TANC2: variants seen among roughly 807,000 people sequenced by gnomAD.
TANC2 encodes the protein tetratricopeptide repeat, ankyrin repeat and coiled-coil containing 2, also known as protein TANC2.
In TANC2, 26 loss-of-function variants were observed where a neutral mutation model predicts 210.5. The observed-to-expected ratio is 0.12, with a 90% CI of 0.09 to 0.17. The LOEUF (loss-of-function observed/expected upper bound fraction) is 0.17. Among genes scored for constraint, TANC2 ranks in the 10% least tolerant of loss-of-function variants. The pLI is 1.00. For synonymous variants in TANC2, 931 were observed against 967.1 expected (o/e 0.96, Z 0.69); for missense variants, 2,129 against 2,608.9 (o/e 0.82, Z 4.01).
At chr17:63,407,012 T>C (rs968871726) in intron 21 of TANC2, among the ~76,000 whole-genome samples, 1 of 152,230 alleles carries the variant, frequency 6.6e-6, no homozygotes, top group Admixed American at 6.5e-5. Context: ...TGGACGCAAA[T>C]GTCGGTAATT....
chr17:63,015,318 T>C (rs1265466326), intron 2 of TANC2, among the ~76,000 whole-genome samples: 3 of 151,830 alleles, frequency 2.0e-5, no homozygotes, highest in Non-Finnish European at 4.4e-5. Flanking sequence ...ATAAGATATT[T>C]ATTTATTTAT....
intron 8 of TANC2, among the ~76,000 whole-genome samples, chr17:63,246,687 A>G (rs1314627258): frequency 6.6e-6 from 1 of 152,104 alleles, no homozygotes; most frequent in Non-Finnish European, 1.5e-5. Context: ...GTATGACTGT[A>G]CCATATTATG....
chr17:63,155,021 A>T (rs1034995427), intron 5 of TANC2: 1 of 152,092 alleles, frequency 6.6e-6, no homozygotes, highest in Non-Finnish European at 1.5e-5. Flanking sequence ...TTAGAGTAGG[A>T]TTGTTGTGAG....
intron 15 of TANC2, among the ~76,000 whole-genome samples, chr17:63,387,149 TGAAAATAAA>T (rs2147134011): frequency 6.6e-6 from 1 of 152,310 alleles, no homozygotes; most frequent in South Asian, 2.1e-4. Flanking sequence ...TGCACCTGGC[TGAAAATAAA>T]ATTTTTAATA....
At chr17:63,075,659 G>A (rs239359) in intron 3 of TANC2, among the ~76,000 whole-genome samples, 148,901 of 152,124 alleles carry the variant, frequency 0.98, 72,885 homozygotes, top group East Asian at 1. Context: ...CAGCCTCCTG[G>A]GTAGATGGGA....
At chr17:63,113,845 T>C (rs41482349) in intron 4 of TANC2, among the ~76,000 whole-genome samples, 4,475 of 152,296 alleles carry the variant, frequency 0.029, 223 homozygotes, top group African/African-American at 0.1. Flanking sequence ...TATGTGGTAT[T>C]ATCTGTTTTG....
intron 1 of TANC2, among the ~76,000 whole-genome samples, chr17:62,998,803 C>CT (rs1425958641): frequency 6.6e-6 from 1 of 152,062 alleles, no homozygotes; most frequent in East Asian, 1.9e-4. Flanking sequence ...AAAAAACACA[C>CT]TTAAGTACAT....
chr17:63,061,613 ATAAC>A (rs1401763487), intron 2 of TANC2, among the ~76,000 whole-genome samples: 2 of 152,126 alleles, frequency 1.3e-5, no homozygotes, highest in Non-Finnish European at 2.9e-5. Context: ...AAATACATAT[ATAAC>A]TAGATGTATA....
At chr17:63,355,466 G>A in intron 14 of TANC2, 76 bp downstream of exon 14, 1 of 1,412,190 alleles carries the variant, frequency 7.1e-7, no homozygotes, top group Non-Finnish European at 9.3e-7. Flanking sequence ...ATTGAAAGTA[G>A]AAGTGTTCTT....
chr17:63,081,131 C>T (rs2036756127), intron 3 of TANC2, among the ~76,000 whole-genome samples: 1 of 151,932 alleles, frequency 6.6e-6, no homozygotes, highest in African/African-American at 2.4e-5. Context: ...ATCTTTATTG[C>T]TTGTTCTGTA....
At chr17:63,272,598 T>G (rs2043746329) in intron 9 of TANC2, among the ~76,000 whole-genome samples, 1 of 152,206 alleles carries the variant, frequency 6.6e-6, no homozygotes. Context: ...GCATGAAATT[T>G]TTTTTATTTG....
At chr17:63,000,205 C>T (rs1378672119) in intron 1 of TANC2, among the ~76,000 whole-genome samples, 1 of 152,084 alleles carries the variant, frequency 6.6e-6, no homozygotes, top group East Asian at 1.9e-4. Flanking sequence ...ACAAATCTGC[C>T]CATGTCCCCT....
At chr17:63,328,298 C>T (rs958957423) in intron 11 of TANC2, among the ~76,000 whole-genome samples, 2 of 151,946 alleles carry the variant, frequency 1.3e-5, no homozygotes, top group African/African-American at 4.8e-5. Flanking sequence ...ATTAACAAAC[C>T]TGCCCATGTA....
intron 9 of TANC2, among the ~76,000 whole-genome samples, chr17:63,286,947 G>A (rs2044240279): frequency 6.6e-6 from 1 of 151,984 alleles, no homozygotes; most frequent in Admixed American, 6.6e-5. Context: ...TTGAGATGGA[G>A]TCTCTCTCTG....
chr17:63,186,862 G>A (rs947130149), intron 5 of TANC2, among the ~76,000 whole-genome samples: 13 of 152,192 alleles, frequency 8.5e-5, no homozygotes, highest in African/African-American at 2.9e-4. Flanking sequence ...AGTGCTGTAT[G>A]ATTTATTTTG....
At chr17:63,384,747 A>G (rs2047724242) in intron 15 of TANC2, among the ~76,000 whole-genome samples, 2 of 152,182 alleles carry the variant, frequency 1.3e-5, no homozygotes, top group South Asian at 4.1e-4. Flanking sequence ...TGAATTCATA[A>G]GTGTGATGTC....
In TANC2 at chr17:63,335,859, C is replaced by T. The variant is rs751361640; in HGVS notation, c.1576-4242C>T. Among the ~76,000 whole-genome samples the T allele has an allele frequency of 3.3e-5, 5 of 151,880 alleles. No individual in the cohort carries two copies. The South Asian group carries it at 6.2e-4, about 19-fold the overall frequency. On this transcript the variant is annotated intron_variant, in intron 11 of 27. Transcript: ENST00000689528. ...TGTAAGATGTTAATAATAAGGGAAG[C>T]TGGATGAGGGATAAATAGAAAGTCT...
In TANC2 at chr17:63,358,081, ATCT is replaced by A. The variant is rs544076256; in HGVS notation, c.2582+2695_2582+2697del. 1.8e-4 allele frequency among the ~76,000 whole-genome samples: 28 copies of A among 152,316 alleles called. No individual in the cohort carries two copies. The East Asian group carries it at 4.8e-3, about 26-fold the overall frequency. ...GCACTCAATTGCCAAAAAGTAGTTG[ATCT>A]TCTCCAGAAATAGGCTACCCAAGGA... On this transcript the variant is annotated intron_variant, in intron 14 of 27. Coordinates refer to ENST00000689528, the Ensembl canonical transcript of TANC2.
chr17:63,105,661 C>G (rs1363245056), intron 4 of TANC2, among the ~76,000 whole-genome samples: 1 of 151,550 alleles, frequency 6.6e-6, no homozygotes, highest in Admixed American at 6.6e-5. Flanking sequence ...TTTTTCTTCT[C>G]ATTTATATCT....
Sources: allele counts gnomAD v4.1 joint callset (sites outside exome capture counted in the v4.1 genomes callset), GRCh38; gene constraint gnomAD v4.1.1; transcripts MANE v1.5; gene names NCBI Gene and HGNC (gene_info 2026-07-23, HGNC 2026-07-21).